The following NRG1 variants were observed in gnomAD, a reference collection of about 807,000 sequenced individuals.
NRG1 encodes pro-neuregulin-1, membrane-bound isoform.
In NRG1, 18 loss-of-function variants were observed where a neutral mutation model predicts 63.8. That is an observed-to-expected ratio of 0.28 (90% CI 0.19 to 0.42). The LOEUF (loss-of-function observed/expected upper bound fraction) is 0.42. NRG1 is among the 10% of genes least tolerant of loss of function. NRG1 has a pLI of 1.00. For missense variants in NRG1, 762 were observed against 814.7 expected (o/e 0.94, Z 0.79); for synonymous variants, 302 against 301.3 (o/e 1.00, Z -0.02).
intron 1 of NRG1, among the ~76,000 whole-genome samples, chr8:31,863,080 C>T (rs908703213): frequency 2.0e-5 from 3 of 152,158 alleles, no homozygotes; most frequent in East Asian, 1.9e-4. Flanking sequence ...ATCATTGGCT[C>T]TTCCCATTTC....
At chr8:32,427,489 G>GCCCCA (rs1217839329) in intron 1 of NRG1, among the ~76,000 whole-genome samples, 1 of 152,132 alleles carries the variant, frequency 6.6e-6, no homozygotes. Flanking sequence ...CCATAGCAGA[G>GCCCCA]GAGCTGCGAC....
At chr8:32,296,302 C>T (rs1854854587) in intron 1 of NRG1, among the ~76,000 whole-genome samples, 2 of 151,942 alleles carry the variant, frequency 1.3e-5, no homozygotes, top group Admixed American at 1.3e-4. Flanking sequence ...TCAAAACTTC[C>T]TTAATGGCCA....
intron 1 of NRG1, among the ~76,000 whole-genome samples, chr8:32,102,453 G>A (rs981598339): frequency 2.0e-5 from 3 of 152,148 alleles, no homozygotes; most frequent in South Asian, 2.1e-4. Context: ...GAAGACTTTT[G>A]TATGTTAGGT....
chr8:32,014,596 C>T (rs1292063066), intron 1 of NRG1, among the ~76,000 whole-genome samples: 1 of 151,880 alleles, frequency 6.6e-6, no homozygotes, highest in Non-Finnish European at 1.5e-5. Context: ...TGCAAAGAAG[C>T]TTGTGCATTG....
At chr8:32,301,755 G>C (rs1298333185) in intron 1 of NRG1, among the ~76,000 whole-genome samples, 1 of 152,144 alleles carries the variant, frequency 6.6e-6, no homozygotes, top group East Asian at 1.9e-4. Context: ...GCTATCATGA[G>C]AACAGTGCAG....
At chr8:31,895,343 T>G (rs1226245370) in intron 1 of NRG1, among the ~76,000 whole-genome samples, 1 of 152,250 alleles carries the variant, frequency 6.6e-6, no homozygotes. Flanking sequence ...TTTAACTGAC[T>G]TTGAATCCTC....
chr8:32,728,739 A>G (rs960259771), intron 6 of NRG1: 37 of 833,590 alleles, frequency 4.4e-5, no homozygotes, highest in Non-Finnish European at 5.1e-5. Flanking sequence ...TGTCTTTCCA[A>G]TGACCTGAAG....
At chr8:31,995,492 T>A (rs1263029075) in intron 1 of NRG1, among the ~76,000 whole-genome samples, 1 of 151,852 alleles carries the variant, frequency 6.6e-6, no homozygotes, top group East Asian at 1.9e-4. Flanking sequence ...GATACCCTTG[T>A]GGCTTGTTAG....
At chr8:32,617,178 T>C (rs557601209) in intron 5 of NRG1, among the ~76,000 whole-genome samples, 1 of 152,298 alleles carries the variant, frequency 6.6e-6, no homozygotes, top group East Asian at 1.9e-4. Flanking sequence ...TTCTGAGGCC[T>C]AATTCCTGGC....
At chr8:31,646,317 C>G (rs1204439054) in intron 1 of NRG1, among the ~76,000 whole-genome samples, 1 of 152,124 alleles carries the variant, frequency 6.6e-6, no homozygotes, top group South Asian at 2.1e-4. Context: ...TCCAAGGGAA[C>G]CTAGAGGAGG....
intron 1 of NRG1, among the ~76,000 whole-genome samples, chr8:32,008,317 C>A (rs1241561373): frequency 6.6e-6 from 1 of 151,904 alleles, no homozygotes; most frequent in Non-Finnish European, 1.5e-5. Context: ...GCCCAGACAC[C>A]AAGGAGCTGT....
At chr8:32,605,422 T>C (rs558192511) in intron 2 of NRG1, 140 bp from the exon 3 acceptor site, 3 of 877,692 alleles carry the variant, frequency 3.4e-6, no homozygotes, top group Admixed American at 4.8e-5. Flanking sequence ...GTCAGATCAA[T>C]GTAACGGAAG....
At chr8:31,820,139 T>TTC (rs778699771) in intron 1 of NRG1, among the ~76,000 whole-genome samples, 2 of 152,184 alleles carry the variant, frequency 1.3e-5, no homozygotes, top group Non-Finnish European at 2.9e-5. Flanking sequence ...AGAGAACAGA[T>TTC]TGTGTATTAG....
chr8:32,430,203 C>T (rs1817947538), intron 1 of NRG1, among the ~76,000 whole-genome samples: 1 of 152,196 alleles, frequency 6.6e-6, no homozygotes, highest in Non-Finnish European at 1.5e-5. Context: ...TCCCATTCCA[C>T]ACGAATTCTC....
At chr8:32,648,018 G>A (rs763540810) in intron 5 of NRG1, 1 of 1,614,118 alleles carries the variant, frequency 6.2e-7, no homozygotes, top group South Asian at 1.1e-5. Context: ...GGTATTTGTG[G>A]ACAAGATCTT....
chr8:32,585,870 T>C (rs1415278601), intron 1 of NRG1, among the ~76,000 whole-genome samples: 2 of 152,154 alleles, frequency 1.3e-5, no homozygotes, highest in South Asian at 2.1e-4. Flanking sequence ...ATAAAATCTT[T>C]AGCACATTGT....
At chr8:32,315,974 C>T (rs1586785488) in intron 1 of NRG1, among the ~76,000 whole-genome samples, 2 of 144,666 alleles carry the variant, frequency 1.4e-5, no homozygotes, top group East Asian at 3.9e-4. Context: ...GGAACAGAAA[C>T]TGCGTATCTT....
chr8:31,796,985 G>T (rs922422754), intron 1 of NRG1, among the ~76,000 whole-genome samples: 2 of 152,044 alleles, frequency 1.3e-5, no homozygotes, highest in East Asian at 3.9e-4. Flanking sequence ...TTTCCAATCC[G>T]TTGTTAATGA....
intron 1 of NRG1, among the ~76,000 whole-genome samples, chr8:32,589,146 TA>T: frequency 6.6e-6 from 1 of 152,316 alleles, no homozygotes; most frequent in East Asian, 1.9e-4. Flanking sequence ...ACACATTTGA[TA>T]AGACAAACTT....
Sources: gnomAD v4.1 joint callset for allele counts (sites outside exome capture counted in the v4.1 genomes callset) on GRCh38, gnomAD v4.1.1 for gene constraint, MANE v1.5 for transcripts, NCBI Gene and HGNC (gene_info 2026-07-23, HGNC 2026-07-21) for gene names.